IRGM: variants seen among roughly 807,000 people sequenced by gnomAD.
IRGM encodes immunity-related GTPase family M protein.
For missense variants in IRGM, 288 were observed against 219.9 expected (o/e 1.31, Z -1.96); for synonymous variants, 98 against 80.6 (o/e 1.22, Z -1.16).
chr5:150,899,827 A>G (rs1754930521), intron 3 of IRGM, among the ~76,000 whole-genome samples: 5 of 152,120 alleles, frequency 3.3e-5, no homozygotes, highest in African/African-American at 1.2e-4. Context: ...TTTTAAATAA[A>G]TTGTTCAGAC....
downstream of IRGM, among the ~76,000 whole-genome samples, chr5:150,852,290 ATTC>A (rs1300391645): frequency 3.3e-5 from 5 of 152,144 alleles, no homozygotes; most frequent in African/African-American, 1.2e-4. Flanking sequence ...ATTATCTTAT[ATTC>A]TTATGTTTTA....
At chr5:150,886,519 C>T (rs1052167099) in intron 3 of IRGM, among the ~76,000 whole-genome samples, 1 of 151,934 alleles carries the variant, frequency 6.6e-6, no homozygotes, top group Non-Finnish European at 1.5e-5. Flanking sequence ...CCTGTGAATC[C>T]ATGAAGTCCT....
chr5:150,852,163 C>A (rs1480271083), downstream of IRGM, among the ~76,000 whole-genome samples: 3 of 152,128 alleles, frequency 2.0e-5, no homozygotes, highest in African/African-American at 7.2e-5. Flanking sequence ...TTTCATAAAT[C>A]TGCTTTGACA....
chr5:150,883,270 G>T (rs1054827160), intron 3 of IRGM, among the ~76,000 whole-genome samples: 1 of 151,658 alleles, frequency 6.6e-6, no homozygotes, highest in Non-Finnish European at 1.5e-5. Context: ...AGTTCTAAAA[G>T]AAAAGTTTAT....
At chr5:150,877,919 T>C (rs566280895) in intron 1 of IRGM, 3 of 439,890 alleles carry the variant, frequency 6.8e-6, no homozygotes, top group East Asian at 7.1e-5. Flanking sequence ...GCTTATACTT[T>C]TTTGTTTGCA....
Position 150,848,555 on chromosome 5 carries a change from C to T in IRGM, c.432C>T (p.Val144=). 1.3e-6 allele frequency: 2 copies of T among 1,551,814 alleles called. No individual in the cohort carries two copies. The highest frequency in any genetic ancestry group is 1.2e-5 in the South Asian group (1 of 84,060). The change falls in exon 2 of 2, where the codon GTC becomes GTT. Residue 144 remains valine (V), a synonymous_variant. Coordinates refer to ENST00000522154, the MANE Select transcript of IRGM (RefSeq NM_001145805.2). ...ACATGGGAAAGAAGTTCTACATTGTCTGGACCAAGCTAGACATGGACCTCA... is the reference window on the plus strand; with the variant it reads ...ACATGGGAAAGAAGTTCTACATTGTTTGGACCAAGCTAGACATGGACCTCA... ...AEDMGKKFYI[V]WTKLDMDLST...
chr5:150,849,496 A>G (rs1411426975), downstream of IRGM, among the ~76,000 whole-genome samples: 1 of 152,166 alleles, frequency 6.6e-6, no homozygotes, highest in Non-Finnish European at 1.5e-5. Flanking sequence ...AATATCAATA[A>G]TTATATTTAG....
At chr5:150,886,993 G>A (rs995621870) in intron 3 of IRGM, among the ~76,000 whole-genome samples, 2 of 151,964 alleles carry the variant, frequency 1.3e-5, no homozygotes, top group African/African-American at 4.8e-5. Context: ...CCATTGTGAT[G>A]TTAGGTTGTT....
At chr5:150,851,967 GATAC>G (rs1444912622), downstream of IRGM, among the ~76,000 whole-genome samples, 1 of 152,132 alleles carries the variant, frequency 6.6e-6, no homozygotes, top group African/African-American at 2.4e-5. Flanking sequence ...GCATGTACAT[GATAC>G]ATACAGTAAC....
intron 1 of IRGM, among the ~76,000 whole-genome samples, chr5:150,870,071 A>T: frequency 6.6e-6 from 1 of 152,134 alleles, no homozygotes; most frequent in East Asian, 1.9e-4. Flanking sequence ...TAATGCTAAT[A>T]TCTGGGGTAC....
At chr5:150,864,702 A>AT (rs1360431422) in intron 1 of IRGM, among the ~76,000 whole-genome samples, 2 of 152,112 alleles carry the variant, frequency 1.3e-5, no homozygotes, top group Admixed American at 1.3e-4. Context: ...CTGCCCACAG[A>AT]TTTTCCCCCG....
At chr5:150,890,833 A>C (rs1754598035) in intron 3 of IRGM, among the ~76,000 whole-genome samples, 5 of 152,198 alleles carry the variant, frequency 3.3e-5, no homozygotes, top group African/African-American at 9.6e-5. Flanking sequence ...TCACATGAGA[A>C]TGAGTCACCT....
At chr5:150,895,329 T>C (rs1047176578) in intron 3 of IRGM, 1 of 941,792 alleles carries the variant, frequency 1.1e-6, no homozygotes, top group Admixed American at 3.2e-5. Flanking sequence ...AATTTTTATC[T>C]ATTGGGATGT....
At chr5:150,880,772 G>C (rs6888007) in intron 3 of IRGM, among the ~76,000 whole-genome samples, 4,483 of 152,214 alleles carry the variant, frequency 0.029, 219 homozygotes, top group African/African-American at 0.1. Context: ...AATCATCACT[G>C]AAACAAAACA....
intron 1 of IRGM, among the ~76,000 whole-genome samples, chr5:150,859,590 T>C (rs4566776): frequency 0.24 from 37,146 of 152,008 alleles, 6,478 homozygotes; most frequent in East Asian, 0.61. Context: ...TATTGATTAT[T>C]GCCTCAATTT....
chr5:150,858,862 C>A (rs1337640020), intron 1 of IRGM, among the ~76,000 whole-genome samples: 2 of 152,152 alleles, frequency 1.3e-5, no homozygotes, highest in Non-Finnish European at 2.9e-5. Flanking sequence ...TACAATCATG[C>A]CATCTGCAAA....
At position 150,848,629 on chromosome 5, in the gene IRGM, T is replaced by A; in HGVS notation, c.506T>A (p.Val169Asp). ...EVQLLQIREN[V>D]LENLQKERVC... ...CAGCTACTGCAGATCAGAGAAAATGTCCTGGAAAATCTCCAGAAGGAGCGG... is the reference window on the plus strand; with the variant it reads ...CAGCTACTGCAGATCAGAGAAAATGACCTGGAAAATCTCCAGAAGGAGCGG... The change falls in exon 2 of 2, where the codon GTC becomes GAC. Residue 169 changes from valine to aspartate, a missense_variant. By Grantham distance (152) the Val-to-Asp change is radical. Transcript: ENST00000522154. The A allele has an allele frequency of 6.5e-7, 1 of 1,545,228 alleles. No individual in the cohort carries two copies. Among genetic ancestry groups the A allele is most frequent in the Non-Finnish European group, 8.8e-7 (1 of 1,142,042 alleles).
intron 2 of IRGM, chr5:150,879,492 TG>T (rs1484185143): frequency 6.6e-6 from 1 of 152,226 alleles, no homozygotes; most frequent in Non-Finnish European, 1.5e-5. Flanking sequence ...AAGTAATGCT[TG>T]CCAAGTACTT....
intron 1 of IRGM, among the ~76,000 whole-genome samples, chr5:150,869,600 A>T (rs555109670): frequency 6.6e-6 from 1 of 152,160 alleles, no homozygotes; most frequent in Non-Finnish European, 1.5e-5. Flanking sequence ...CTGTGAATCC[A>T]TCTGGTCCTG....
Sources: allele counts gnomAD v4.1 joint callset (sites outside exome capture counted in the v4.1 genomes callset), GRCh38; gene constraint gnomAD v4.1.1; transcripts MANE v1.5; gene names NCBI Gene and HGNC (gene_info 2026-07-23, HGNC 2026-07-21).